CNTNAP5: variants seen among roughly 807,000 people sequenced by gnomAD.
The protein encoded by CNTNAP5 is contactin associated protein family member 5, also known as contactin-associated protein-like 5.
CNTNAP5 carries 72 observed loss-of-function variants against 150.2 expected under a neutral mutation model. That is an observed-to-expected ratio of 0.48 (90% CI 0.40 to 0.58). The LOEUF is 0.58. Ranked by LOEUF, CNTNAP5 falls within the 20% of genes least tolerant of loss-of-function variation. CNTNAP5 has a pLI of 0.00. For synonymous variants in CNTNAP5, 672 were observed against 619.8 expected, an observed-to-expected ratio of 1.08 and a Z score of -1.25; for missense variants, 1,636 against 1,626.2, an observed-to-expected ratio of 1.01 and a Z score of -0.10.
At chr2:124,091,795 G>A (rs72845503) in intron 1 of CNTNAP5, among the ~76,000 whole-genome samples, 4,253 of 152,248 alleles carry the variant, frequency 0.028, 71 homozygotes, top group Middle Eastern at 0.034. Context: ...CAAGCTCTGT[G>A]CCCTGAGATT....
chr2:124,231,736 A>G (rs1410019482), intron 2 of CNTNAP5, among the ~76,000 whole-genome samples: 1 of 152,164 alleles, frequency 6.6e-6, no homozygotes, highest in Non-Finnish European at 1.5e-5. Flanking sequence ...TTTTACTAGG[A>G]CAGCTATAGA....
chr2:124,609,883 C>A lies in CNTNAP5; in HGVS notation c.1839C>A (p.Gly613=). The A allele has an allele frequency of 6.2e-7, 1 of 1,613,958 alleles. No homozygotes were observed. Among genetic ancestry groups the A allele is most frequent in the African/African-American group, 1.3e-5 (1 of 75,042 alleles). The change falls in exon 12 of 24, where the codon GGC becomes GGA. Residue 613 remains glycine (G), a synonymous_variant. Coordinates refer to ENST00000682447, the MANE Select transcript of CNTNAP5 (RefSeq NM_001367498.1). ...TCTACATCGACTCAGATGGCAGCGG[C>A]CCACTGGGACCTCTCCAGGTGTACT... ...GFFYIDSDGS[G]PLGPLQVYCN...
At chr2:124,126,517 C>A (rs1406625380) in intron 1 of CNTNAP5, among the ~76,000 whole-genome samples, 1 of 152,142 alleles carries the variant, frequency 6.6e-6, no homozygotes, top group East Asian at 1.9e-4. Context: ...TGAAACTATT[C>A]CACTCAATAG....
At chr2:124,533,558 G>T (rs575459218) in intron 10 of CNTNAP5, among the ~76,000 whole-genome samples, 1 of 152,262 alleles carries the variant, frequency 6.6e-6, no homozygotes, top group South Asian at 2.1e-4. Context: ...CCCACCTAGG[G>T]CCTCAAGCAG....
intron 3 of CNTNAP5, among the ~76,000 whole-genome samples, chr2:124,264,374 GCA>G (rs749789624): frequency 1.0e-4 from 5 of 50,154 alleles, no homozygotes; most frequent in South Asian, 1.2e-3. Flanking sequence ...ACACACACAG[GCA>G]CACACACACA....
At chr2:124,048,990 T>C (rs1162792369) in intron 1 of CNTNAP5, among the ~76,000 whole-genome samples, 1 of 152,230 alleles carries the variant, frequency 6.6e-6, no homozygotes, top group Non-Finnish European at 1.5e-5. Context: ...ATGCTTTTGA[T>C]ATATCAATGT....
intron 17 of CNTNAP5, among the ~76,000 whole-genome samples, chr2:124,773,557 C>A (rs1036818585): frequency 2.0e-5 from 3 of 152,278 alleles, no homozygotes; most frequent in Non-Finnish European, 2.9e-5. Flanking sequence ...TGGGGATCAA[C>A]CTGCCACAGG....
At chr2:124,422,854 A>G (rs552517592) in intron 4 of CNTNAP5, among the ~76,000 whole-genome samples, 11 of 152,278 alleles carry the variant, frequency 7.2e-5, no homozygotes, top group African/African-American at 2.4e-4. Flanking sequence ...CTGCACTTCA[A>G]TTAGATCATG....
rs374341786 is a variant in CNTNAP5, at chr2:124,772,819, G to T, written c.2554G>T (p.Ala852Ser). 3.3e-5 allele frequency: 53 copies of T among 1,613,458 alleles called. No individual in the cohort carries two copies. In the African/African-American group the frequency reaches 6.5e-4, roughly 20 times the overall value. The change falls in exon 17 of 24, where the codon GCC (alanine) becomes TCC (serine). Residue 852 changes from alanine to serine, a missense_variant. Transcript: ENST00000682447. ...TTCAGCTCCTTCAGAGATCACCTTTGCCATCGATGTTGGGAATGGTCCTGT... is the reference window on the plus strand; with the variant it reads ...TTCAGCTCCTTCAGAGATCACCTTTTCCATCGATGTTGGGAATGGTCCTGT... ...EISSPSEITF[A>S]IDVGNGPVEL...
intron 3 of CNTNAP5, among the ~76,000 whole-genome samples, chr2:124,276,805 C>A (rs967200189): frequency 2.0e-5 from 3 of 152,090 alleles, no homozygotes; most frequent in African/African-American, 7.2e-5. Flanking sequence ...GGGACAAACA[C>A]CAGCAGAGTA....
At chr2:124,542,132 C>T (rs1010201244) in intron 10 of CNTNAP5, among the ~76,000 whole-genome samples, 3 of 151,768 alleles carry the variant, frequency 2.0e-5, no homozygotes, top group Admixed American at 2.0e-4. Context: ...CACATGACCT[C>T]CAGCACATGA....
intron 3 of CNTNAP5, among the ~76,000 whole-genome samples, chr2:124,300,546 G>A (rs1322865455): frequency 2.6e-5 from 4 of 152,178 alleles, no homozygotes; most frequent in Non-Finnish European, 5.9e-5. Context: ...TCCTTGGTAC[G>A]ATGGAGGAAG....
At chr2:124,464,680 A>C (rs1394717257) in intron 6 of CNTNAP5, among the ~76,000 whole-genome samples, 2 of 152,190 alleles carry the variant, frequency 1.3e-5, no homozygotes, top group Non-Finnish European at 2.9e-5. Flanking sequence ...TCTTTTTTAA[A>C]TACTCAACTT....
chr2:124,437,021 AG>A, intron 5 of CNTNAP5, among the ~76,000 whole-genome samples: 1 of 152,276 alleles, frequency 6.6e-6, no homozygotes, highest in East Asian at 1.9e-4. Context: ...ACCTCATTAC[AG>A]CTAGAAGATC....
chr2:124,718,366 C>T (rs1173669336), intron 13 of CNTNAP5, among the ~76,000 whole-genome samples: 1 of 152,128 alleles, frequency 6.6e-6, no homozygotes, highest in Non-Finnish European at 1.5e-5. Flanking sequence ...AAAACTCAAT[C>T]CAACAAACTC....
intron 8 of CNTNAP5, among the ~76,000 whole-genome samples, chr2:124,522,391 C>T (rs1694864791): frequency 6.6e-6 from 1 of 152,188 alleles, no homozygotes; most frequent in Non-Finnish European, 1.5e-5. Context: ...GGGGACTCTG[C>T]AAGCAGTAGG....
At chr2:124,544,608 C>A (rs1695469568) in intron 10 of CNTNAP5, among the ~76,000 whole-genome samples, 1 of 122,608 alleles carries the variant, frequency 8.2e-6, no homozygotes, top group African/African-American at 3.4e-5. Flanking sequence ...CTTCTCTATG[C>A]TGTCTTAACA....
intron 12 of CNTNAP5, among the ~76,000 whole-genome samples, chr2:124,636,216 T>C (rs751784423): frequency 1.6e-4 from 25 of 152,200 alleles, no homozygotes; most frequent in Non-Finnish European, 7.3e-5. Context: ...TTACCCAGCC[T>C]CCTTATACCT....
At chr2:124,769,467 C>G (rs1681143889) in intron 16 of CNTNAP5, among the ~76,000 whole-genome samples, 1 of 151,868 alleles carries the variant, frequency 6.6e-6, no homozygotes, top group Non-Finnish European at 1.5e-5. Flanking sequence ...AGGCATTCGT[C>G]AGAAGGTTGG....
Sources: gnomAD v4.1 joint callset for allele counts (sites outside exome capture counted in the v4.1 genomes callset) on GRCh38, gnomAD v4.1.1 for gene constraint, MANE v1.5 for transcripts, NCBI Gene and HGNC (gene_info 2026-07-23, HGNC 2026-07-21) for gene names.